SUGT1: variants seen among roughly 807,000 people sequenced by gnomAD.
SUGT1 encodes the protein SGT1 assembly cochaperone of MIS12 kinetochore complex, also known as protein SGT1 homolog.
A neutral mutation model predicts 56.1 loss-of-function variants in SUGT1; 15 were observed. The observed-to-expected ratio is 0.27, with a 90% confidence interval of 0.18 to 0.41. The LOEUF is 0.41. SUGT1 is among the 10% of genes least tolerant of loss of function. The pLI is 1.00. For missense variants in SUGT1, 347 were observed against 382.2 expected, an observed-to-expected ratio of 0.91 and a Z score of 0.77; for synonymous variants, 123 against 128.6, an observed-to-expected ratio of 0.96 and a Z score of 0.30.
At chr13:52,671,302 G>A (rs1962926486) in intron 10 of SUGT1, among the ~76,000 whole-genome samples, 2 of 105,148 alleles carry the variant, frequency 1.9e-5, no homozygotes, top group African/African-American at 3.7e-5. Flanking sequence ...ATTTTGTAAT[G>A]TATATTTATA....
chr13:52,658,770 T>G (rs1962286983), intron 4 of SUGT1, among the ~76,000 whole-genome samples: 1 of 151,362 alleles, frequency 6.6e-6, no homozygotes, highest in South Asian at 2.1e-4. Flanking sequence ...TCTTTTGGAA[T>G]TTACTATATT....
At chr13:52,653,596 A>C (rs1482448800) in intron 2 of SUGT1, among the ~76,000 whole-genome samples, 1 of 152,110 alleles carries the variant, frequency 6.6e-6, no homozygotes, top group Non-Finnish European at 1.5e-5. Context: ...TATTCATCAA[A>C]ATTTTTTTTT....
rs1316846041 is a variant in SUGT1, at chr13:52,662,711, G to T, written c.382+9G>T. The stretch of plus-strand genomic sequence containing the variant: ...TCAAGAAGCTCAGAATGGTATGTGG[G>T]TCTCCCTTGGTATTTGTTTCAATTT... On this transcript the variant is annotated intron_variant, in intron 6 of 12. Transcript: ENST00000310528. The T allele has an allele frequency of 6.2e-7, 1 of 1,612,306 alleles. No individual in the cohort carries two copies. The highest frequency in any genetic ancestry group is 2.2e-5 in the East Asian group (1 of 44,866).
chr13:52,670,965 A>T (rs1962912955), intron 10 of SUGT1, among the ~76,000 whole-genome samples: 1 of 152,136 alleles, frequency 6.6e-6, no homozygotes, highest in Non-Finnish European at 1.5e-5. Flanking sequence ...AGAAATAAAA[A>T]TGTCTGTCTT....
rs901350233 is a variant in SUGT1 at position 52,689,140 on chromosome 13, C to G, written c.*1305C>G. On this transcript the variant is annotated 3_prime_UTR_variant, in exon 13 of 13. Transcript: ENST00000310528. ...GGAATTCAGCTCCTTCCTTCTCGTC[C>G]TTTGTTGTGGGGTGTAGGGGAGTTA... 1 of 152,140 alleles carries G rather than the reference C, an allele frequency of 6.6e-6. No homozygotes were observed. Among genetic ancestry groups the G allele is most frequent in the Non-Finnish European group, 1.5e-5 (1 of 68,080 alleles). The allele number at this position is 152,140 out of a possible 1,614,324, so 9.4% of individuals were successfully genotyped here. A position where few individuals can be genotyped will look rare whatever the true frequency, so the allele number is the denominator to read the frequency against.
At chr13:52,676,663 A>G (rs537254568) in intron 11 of SUGT1, among the ~76,000 whole-genome samples, 159 of 152,238 alleles carry the variant, frequency 1.0e-3, no homozygotes, top group Non-Finnish European at 1.4e-3. Flanking sequence ...CTCGGCGGAT[A>G]TATTTCCCCT....
intron 5 of SUGT1, among the ~76,000 whole-genome samples, chr13:52,660,285 C>T (rs961462892): frequency 3.3e-5 from 5 of 152,170 alleles, no homozygotes; most frequent in Non-Finnish European, 5.9e-5. Flanking sequence ...TAACTGGAAA[C>T]GGTTTTGCTT....
intron 10 of SUGT1, among the ~76,000 whole-genome samples, chr13:52,672,052 CTCAATAAATGTTACAGT>C (rs923208517): frequency 6.6e-6 from 1 of 152,106 alleles, no homozygotes; most frequent in Non-Finnish European, 1.5e-5. Flanking sequence ...GTAATAAGAG[CTCAATAAATGTTACAGT>C]ACCTTTCTTA....
At chr13:52,668,955 A>G (rs753184188) in intron 10 of SUGT1, among the ~76,000 whole-genome samples, 5 of 152,140 alleles carry the variant, frequency 3.3e-5, no homozygotes, top group Non-Finnish European at 7.4e-5. Context: ...GAAGAATATC[A>G]TGTGTGGTAA....
rs1286252710 is a variant in SUGT1, at chr13:52,699,747, A to C, written c.*11912A>C. On this transcript the variant is annotated 3_prime_UTR_variant, in exon 13 of 13. Coordinates refer to ENST00000310528, the MANE Select transcript of SUGT1 (RefSeq NM_006704.5). ...ATGATTAATTATCAAGGCTGATGAA[A>C]TATAGGCAGCTGAAAAGAAAATTCT... The C allele has an allele frequency of 6.6e-6, 1 of 152,228 alleles. No homozygotes were observed. The highest frequency in any genetic ancestry group is 1.5e-5 in the Non-Finnish European group (1 of 68,034). 9.4% of individuals were successfully genotyped at this position (152,228 alleles called of 1,614,324 possible). A position where few individuals can be genotyped will look rare whatever the true frequency, so the allele number is the denominator to read the frequency against.
intron 2 of SUGT1, 76 bp from the exon 3 acceptor site, chr13:52,657,456 T>G: frequency 8.0e-7 from 1 of 1,256,146 alleles, no homozygotes; most frequent in Non-Finnish European, 1.1e-6. Context: ...GTTACTTGAT[T>G]AAAAATTATG....
Position 52,663,127 on chromosome 13 carries a change from T to C in SUGT1, c.399+15T>C. 1 of 1,606,610 alleles carries C rather than the reference T, an allele frequency of 6.2e-7. No individual in the cohort carries two copies. Among genetic ancestry groups the C allele is most frequent in the East Asian group, 2.2e-5 (1 of 44,646 alleles). ...AATCTGAGGTGGTAAGTCCAAAGTT[T>C]TCATTCTTCATGTTTTTATTATTTT... is the stretch of plus-strand genomic sequence containing the variant. On this transcript the variant is annotated intron_variant, in intron 7 of 12. Coordinates refer to ENST00000310528, the MANE Select transcript of SUGT1 (RefSeq NM_006704.5).
At chr13:52,682,765 C>A (rs1257242064) in intron 12 of SUGT1, among the ~76,000 whole-genome samples, 1 of 152,192 alleles carries the variant, frequency 6.6e-6, no homozygotes, top group Non-Finnish European at 1.5e-5. Context: ...TAAGCTGTAG[C>A]TGTTTAAGTC....
chr13:52,679,978 A>T lies in SUGT1; in HGVS notation c.723A>T (p.Val241=). ...VPTPKQFVAD[V]KNLYPSSSPY... Reference sequence around the variant, plus strand: ...CTGCCTTTTTTTACTTCATAGATGTAAAGAACCTATATCCATCATCATCTC... The same window carrying T: ...CTGCCTTTTTTTACTTCATAGATGTTAAGAACCTATATCCATCATCATCTC... Residue 241 remains valine (V), a synonymous_variant, in exon 12 of 13, where the codon GTA becomes GTT. Coordinates refer to ENST00000310528, the MANE Select transcript of SUGT1 (RefSeq NM_006704.5). The T allele has an allele frequency of 6.3e-7, 1 of 1,586,544 alleles. No homozygotes were observed. Among genetic ancestry groups the T allele is most frequent in the South Asian group, 1.2e-5 (1 of 85,778 alleles).
At chr13:52,687,689 G>T (rs1963648997) in intron 12 of SUGT1, 45 bp from the exon 13 acceptor site, 2 of 1,445,338 alleles carry the variant, frequency 1.4e-6, no homozygotes, top group African/African-American at 1.4e-5. Flanking sequence ...ATTCTATTTT[G>T]ATTATATGGT....
Position 52,692,494 on chromosome 13 carries a change from T to G in SUGT1, c.*4659T>G, listed in dbSNP as rs1963811783. The stretch of plus-strand genomic sequence containing the variant: ...GGTGCAATCTTGGCTCACTGCAACC[T>G]CCACCTCCCAGGTTCAAGTAATTCT... On this transcript the variant is annotated 3_prime_UTR_variant, in exon 13 of 13. Coordinates refer to ENST00000310528, the MANE Select transcript of SUGT1 (RefSeq NM_006704.5). 6.7e-6 allele frequency: 1 copy of G among 149,536 alleles called. No individual in the cohort carries two copies. Among genetic ancestry groups the G allele is most frequent in the Admixed American group, 6.7e-5 (1 of 14,830 alleles). The allele number at this position is 149,536 out of a possible 1,614,324, so 9.3% of individuals were successfully genotyped here. A position where few individuals can be genotyped will look rare whatever the true frequency, so the allele number is the denominator to read the frequency against.
chr13:52,675,026 C>A (rs1963087892), intron 10 of SUGT1, among the ~76,000 whole-genome samples: 1 of 152,108 alleles, frequency 6.6e-6, no homozygotes, highest in Non-Finnish European at 1.5e-5. Flanking sequence ...ACTTAGTCTT[C>A]TCAGTACTCC....
intron 8 of SUGT1, among the ~76,000 whole-genome samples, chr13:52,664,912 G>C (rs1962627122): frequency 6.6e-6 from 1 of 152,154 alleles, no homozygotes; most frequent in Non-Finnish European, 1.5e-5. Flanking sequence ...ATAGCGACAG[G>C]ATAAACAGCT....
intron 12 of SUGT1, among the ~76,000 whole-genome samples, chr13:52,685,789 T>C (rs1273652123): frequency 6.6e-6 from 1 of 152,156 alleles, no homozygotes; most frequent in East Asian, 1.9e-4. Flanking sequence ...GACCAAGATA[T>C]ACAAAATAAT....
Sources: gnomAD v4.1 joint callset for allele counts (sites outside exome capture counted in the v4.1 genomes callset) on GRCh38, gnomAD v4.1.1 for gene constraint, MANE v1.5 for transcripts, NCBI Gene and HGNC (gene_info 2026-07-23, HGNC 2026-07-21) for gene names.